FHIT: variants seen among roughly 807,000 people sequenced by gnomAD.
FHIT encodes the protein fragile histidine triad diadenosine triphosphatase.
Under a neutral mutation model 17.9 loss-of-function variants are expected in FHIT, and 19 were observed. The ratio of observed to expected loss-of-function variants is 1.06; its 90% CI spans 0.74 to 1.56. FHIT has a LOEUF of 1.56. Among genes scored for constraint, FHIT ranks in the 40% most tolerant of loss-of-function variants. The pLI is 0.00. For missense variants in FHIT, 248 were observed against 189.2 expected, an observed-to-expected ratio of 1.31 and a Z score of -1.82; for synonymous variants, 81 against 69.7, an observed-to-expected ratio of 1.16 and a Z score of -0.81.
intron 4 of FHIT, among the ~76,000 whole-genome samples, chr3:60,641,198 A>G (rs1181396029): frequency 6.6e-6 from 1 of 152,154 alleles, no homozygotes; most frequent in African/African-American, 2.4e-5. Context: ...AGAAAAGAAA[A>G]GGAAAAAATA....
intron 5 of FHIT, among the ~76,000 whole-genome samples, chr3:60,127,876 C>T (rs772825667): frequency 6.6e-6 from 1 of 152,178 alleles, no homozygotes; most frequent in Non-Finnish European, 1.5e-5. Flanking sequence ...AGTGATCCTC[C>T]AGCTTTGGCC....
At chr3:60,324,655 T>C (rs1394647931) in intron 5 of FHIT, among the ~76,000 whole-genome samples, 3 of 151,928 alleles carry the variant, frequency 2.0e-5, no homozygotes, top group Non-Finnish European at 4.4e-5. Context: ...TAAAGTGTTA[T>C]GCTAAGCATG....
chr3:61,084,551 T>C (rs527585643), intron 2 of FHIT, among the ~76,000 whole-genome samples: 28 of 152,334 alleles, frequency 1.8e-4, no homozygotes, highest in Non-Finnish European at 5.9e-5. Flanking sequence ...CTTTAATTTC[T>C]TTCAGTAATA....
intron 5 of FHIT, among the ~76,000 whole-genome samples, chr3:60,323,210 C>T (rs546675146): frequency 3.3e-5 from 5 of 152,240 alleles, no homozygotes; most frequent in South Asian, 2.1e-4. Flanking sequence ...TCCCAGGACA[C>T]CACCGGGAAT....
chr3:60,903,987 G>A (rs1425356732), intron 3 of FHIT, among the ~76,000 whole-genome samples: 2 of 152,178 alleles, frequency 1.3e-5, no homozygotes, highest in Non-Finnish European at 2.9e-5. Context: ...TTCCCTCCCA[G>A]GATCCAAGGT....
chr3:60,698,986 T>C (rs1249284932), intron 4 of FHIT, among the ~76,000 whole-genome samples: 1 of 152,206 alleles, frequency 6.6e-6, no homozygotes, highest in South Asian at 2.1e-4. Flanking sequence ...GATGATATTA[T>C]ATAACAATCA....
intron 4 of FHIT, among the ~76,000 whole-genome samples, chr3:60,650,856 T>A (rs2039973641): frequency 6.6e-6 from 1 of 152,130 alleles, no homozygotes; most frequent in Non-Finnish European, 1.5e-5. Context: ...TGCAACAAAA[T>A]TTTAAGAAGC....
intron 8 of FHIT, among the ~76,000 whole-genome samples, chr3:59,883,471 T>C (rs766091847): frequency 6.6e-6 from 1 of 152,186 alleles, no homozygotes; most frequent in African/African-American, 2.4e-5. Flanking sequence ...GGTTTTCCCC[T>C]TATAAAACCA....
intron 3 of FHIT, among the ~76,000 whole-genome samples, chr3:60,945,700 G>A (rs1318119806): frequency 2.0e-5 from 3 of 152,150 alleles, no homozygotes; most frequent in South Asian, 4.1e-4. Flanking sequence ...AAAGGGAGAT[G>A]GGGACTGTGG....
intron 2 of FHIT, among the ~76,000 whole-genome samples, chr3:61,184,668 G>A (rs2038450630): frequency 6.6e-6 from 1 of 152,088 alleles, no homozygotes; most frequent in African/African-American, 2.4e-5. Context: ...CACATCTATT[G>A]TGATTCCACA....
At chr3:61,216,337 A>G (rs1349612917) in intron 1 of FHIT, among the ~76,000 whole-genome samples, 1 of 152,260 alleles carries the variant, frequency 6.6e-6, no homozygotes, top group Non-Finnish European at 1.5e-5. Flanking sequence ...GGCGAAGGAC[A>G]TGAAGAGACA....
chr3:59,779,490 A>C (rs138462082), intron 8 of FHIT, among the ~76,000 whole-genome samples: 13 of 152,286 alleles, frequency 8.5e-5, no homozygotes, highest in East Asian at 7.7e-4. Flanking sequence ...CATTAGCTCC[A>C]TTTGCCATTA....
intron 7 of FHIT, among the ~76,000 whole-genome samples, chr3:59,945,965 G>T (rs1706781861): frequency 6.6e-6 from 1 of 152,138 alleles, no homozygotes; most frequent in South Asian, 2.1e-4. Flanking sequence ...ATAATGTGAT[G>T]CCTCCAGCTT....
rs115703253 is a variant in FHIT at position 60,650,905 on chromosome 3, A to C, written c.-17-113926T>G. 6.6e-3 allele frequency among the ~76,000 whole-genome samples: 1,005 copies of C among 152,318 alleles called. 11 individuals are homozygous for C. Among genetic ancestry groups the C allele is most frequent in the African/African-American group, 0.023 (963 of 41,574 alleles). On this transcript the variant is annotated intron_variant, in intron 4 of 9. Transcript: ENST00000492590. ...ATGTCACACAATTCAGCCAACAAAA[A>C]AACCACAGTTAAAATGTTAGTATAG...
intron 3 of FHIT, among the ~76,000 whole-genome samples, chr3:60,858,954 C>G (rs543245850): frequency 5.3e-5 from 8 of 152,284 alleles, no homozygotes; most frequent in Admixed American, 4.6e-4. Context: ...ATTCATCTCT[C>G]CCTGTCTATT....
At chr3:60,402,203 G>A (rs1202695067) in intron 5 of FHIT, among the ~76,000 whole-genome samples, 1 of 152,116 alleles carries the variant, frequency 6.6e-6, no homozygotes, top group Admixed American at 6.6e-5. Flanking sequence ...AATAAGCAAG[G>A]TAAACTACAT....
intron 3 of FHIT, among the ~76,000 whole-genome samples, chr3:60,826,364 T>C (rs1177895521): frequency 6.6e-6 from 1 of 152,198 alleles, no homozygotes; most frequent in Non-Finnish European, 1.5e-5. Context: ...TTCACACTTG[T>C]TGCCCAGGCT....
At chr3:60,233,927 C>A (rs115435548) in intron 5 of FHIT, among the ~76,000 whole-genome samples, 10 of 152,126 alleles carry the variant, frequency 6.6e-5, no homozygotes, top group Non-Finnish European at 1.2e-4. Context: ...TCCCCAACCA[C>A]GTGGAACTGT....
In FHIT at chr3:60,229,982, T is replaced by C. The variant is rs1400804188; in HGVS notation, c.104-215830A>G. Among the ~76,000 whole-genome samples, 14 of 152,128 alleles carry C rather than the reference T, an allele frequency of 9.2e-5. 1 individual carries two copies. Among genetic ancestry groups the C allele is most frequent in the Admixed American group, 5.9e-4 (9 of 15,258 alleles). On this transcript the variant is annotated intron_variant, in intron 5 of 9. Transcript: ENST00000492590. ...GGCCAACAGCACAAGACCCTATCTCTAAAAAAGATAACAAGAATTAAGTGT... is the reference window on the plus strand; with the variant it reads ...GGCCAACAGCACAAGACCCTATCTCCAAAAAAGATAACAAGAATTAAGTGT...
Sources: gnomAD v4.1 joint callset for allele counts (sites outside exome capture counted in the v4.1 genomes callset) on GRCh38, gnomAD v4.1.1 for gene constraint, MANE v1.5 for transcripts, NCBI Gene and HGNC (gene_info 2026-07-23, HGNC 2026-07-21) for gene names.